CD44: variants seen among roughly 807,000 people sequenced by gnomAD.
CD44 encodes CD44 antigen.
CD44 carries 49 observed loss-of-function variants against 88.8 expected under a neutral mutation model. The ratio of observed to expected loss-of-function variants is 0.55; its 90% confidence interval spans 0.44 to 0.70. The LOEUF (loss-of-function observed/expected upper bound fraction) is 0.70. CD44 is among the 30% of genes least tolerant of loss of function. The pLI, the probability that CD44 is intolerant of heterozygous loss-of-function variation, is 0.00. For synonymous variants in CD44, 325 were observed against 312.3 expected (o/e 1.04, Z -0.43); for missense variants, 883 against 913.8 (o/e 0.97, Z 0.43).
Position 35,208,102 on chromosome 11 carries a change from C to T in CD44, c.1415-3C>T, listed in dbSNP as rs1323661959. 4 of 1,557,828 alleles carry T rather than the reference C, an allele frequency of 2.6e-6. No individual in the cohort carries two copies. Among genetic ancestry groups the T allele is most frequent in the Non-Finnish European group, 3.5e-6 (4 of 1,129,282 alleles). On this transcript the variant is annotated splice_region_variant and splice_polypyrimidine_tract_variant and intron_variant, in intron 11 of 17. Coordinates refer to ENST00000428726, the MANE Select transcript of CD44 (RefSeq NM_000610.4). ...GCAATAACACTAATATTGATTCCTT[C>T]AGATATGGACTCCAGTCATAGTATA...
At chr11:35,148,217 A>T (rs1281103134) in intron 1 of CD44, among the ~76,000 whole-genome samples, 1 of 152,192 alleles carries the variant, frequency 6.6e-6, no homozygotes, top group African/African-American at 2.4e-5. Context: ...ACTTTAAATG[A>T]GTAGCTACTA....
chr11:35,185,433 G>A (rs987336792), intron 3 of CD44, among the ~76,000 whole-genome samples: 4 of 152,158 alleles, frequency 2.6e-5, no homozygotes, highest in African/African-American at 9.7e-5. Flanking sequence ...CAGGTACTAG[G>A]AAGCAAACAA....
chr11:35,148,970 C>T (rs1016645614), intron 1 of CD44, among the ~76,000 whole-genome samples: 2 of 152,128 alleles, frequency 1.3e-5, no homozygotes, highest in Non-Finnish European at 2.9e-5. Context: ...AATTTCTGTT[C>T]TCTGCACTCT....
intron 15 of CD44, 22 bp from the exon 16 acceptor site, chr11:35,219,294 G>C: frequency 6.2e-7 from 1 of 1,600,212 alleles, no homozygotes; most frequent in Non-Finnish European, 8.6e-7. Flanking sequence ...CTTTGGTTGA[G>C]AGATGTTGTT....
Position 35,139,210 on chromosome 11 carries a change from C to A in CD44, c.-94C>A. The A allele has an allele frequency of 3.1e-6, 3 of 976,362 alleles. No individual in the cohort carries two copies. Among genetic ancestry groups the A allele is most frequent in the South Asian group, 1.4e-5 (1 of 70,164 alleles). The allele number at this position is 976,362 out of a possible 1,614,324, so 60.5% of individuals were successfully genotyped here. On this transcript the variant is annotated 5_prime_UTR_variant, in exon 1 of 18. Transcript: ENST00000428726. Reference sequence around the variant, plus strand: ...GACCCCAGCCTCTGCCAGGTTCGGTCCGCCATCCTCGTCCCGTCCTCCGCC... The same window carrying A: ...GACCCCAGCCTCTGCCAGGTTCGGTACGCCATCCTCGTCCCGTCCTCCGCC...
At position 35,152,047 on chromosome 11, in the gene CD44, A is replaced by C. The variant is rs186832551; in HGVS notation, c.67+12677A>C. On this transcript the variant is annotated intron_variant, in intron 1 of 17. Transcript: ENST00000428726. ...ACAGGAGGAATAACTAGCTAATGCG[A>C]GGAAAGCTTTTGAAGATGAAAGGGT... is the stretch of plus-strand genomic sequence containing the variant. Among the ~76,000 whole-genome samples, 3 of 152,352 alleles carry C rather than the reference A, an allele frequency of 2.0e-5. No individual in the cohort carries two copies. In the East Asian group the frequency reaches 5.8e-4, roughly 29 times the overall value.
chr11:35,150,123 T>C (rs929296008), intron 1 of CD44, among the ~76,000 whole-genome samples: 3 of 152,110 alleles, frequency 2.0e-5, no homozygotes, highest in African/African-American at 7.2e-5. Context: ...AAGAGAAAAA[T>C]TGTTCCCTTC....
chr11:35,215,159 C>T (rs1948725742), intron 15 of CD44, among the ~76,000 whole-genome samples: 1 of 152,204 alleles, frequency 6.6e-6, no homozygotes, highest in Admixed American at 6.5e-5. Flanking sequence ...AATACTGACA[C>T]TGCTGGGACA....
rs180710861 is a variant in CD44 at position 35,139,388 on chromosome 11, C to T, written c.67+18C>T. On this transcript the variant is annotated intron_variant, in intron 1 of 17. Transcript: ENST00000428726. ...GCAGATCGGTGAGTGCCCGCCGCAG[C>T]CTGGGCAGCAAGATGGGTGCGGGGT... 9.0e-6 allele frequency: 14 copies of T among 1,554,418 alleles called. No homozygotes were observed. The East Asian group carries it at 3.1e-4, about 35-fold the overall frequency.
At chr11:35,222,625 A>T (rs1949400256) in intron 17 of CD44, 1 of 675,854 alleles carries the variant, frequency 1.5e-6, no homozygotes, top group South Asian at 6.8e-5. Context: ...ATACACATAC[A>T]TTATATATAC....
chr11:35,147,689 C>T (rs1328960132), intron 1 of CD44, among the ~76,000 whole-genome samples: 1 of 152,044 alleles, frequency 6.6e-6, no homozygotes, highest in Non-Finnish European at 1.5e-5. Flanking sequence ...AGGATCCACA[C>T]ACCAATCGTG....
At chr11:35,145,714 A>C (rs910613587) in intron 1 of CD44, among the ~76,000 whole-genome samples, 1 of 152,036 alleles carries the variant, frequency 6.6e-6, no homozygotes, top group East Asian at 1.9e-4. Context: ...AGAGGCCCAC[A>C]CTCCTCCAAC....
At chr11:35,228,994 C>T in intron 17 of CD44, 135 bp from the exon 18 acceptor site, 1 of 727,672 alleles carries the variant, frequency 1.4e-6, no homozygotes, top group Non-Finnish European at 2.3e-6. Flanking sequence ...GAGAAAACCC[C>T]TAGCACAGTG....
chr11:35,164,403 C>T (rs752283112), intron 1 of CD44, among the ~76,000 whole-genome samples: 2 of 152,204 alleles, frequency 1.3e-5, no homozygotes, highest in Non-Finnish European at 2.9e-5. Flanking sequence ...AGACTACAAT[C>T]TGACACAAAT....
chr11:35,209,723 AC>A (rs1948219439), intron 12 of CD44, among the ~76,000 whole-genome samples: 1 of 152,154 alleles, frequency 6.6e-6, no homozygotes, highest in African/African-American at 2.4e-5. Context: ...CTCAGTCTTC[AC>A]CTTGCCACTT....
chr11:35,216,476 G>C (rs1364292970), intron 15 of CD44, among the ~76,000 whole-genome samples: 1 of 152,188 alleles, frequency 6.6e-6, no homozygotes, highest in East Asian at 1.9e-4. Context: ...TTACATGGTG[G>C]CTTCCACAAT....
chr11:35,221,065 G>A lies in CD44; in HGVS notation c.1946-589G>A, dbSNP rs548994439. Among the ~76,000 whole-genome samples the A allele has an allele frequency of 7.2e-4, 109 of 152,152 alleles. No individual in the cohort carries two copies. In the Middle Eastern group the frequency reaches 0.017, roughly 24 times the overall value. ...TGAGCCACCGCACCCGGCCTTTCCT[G>A]TCATTTTAAAATGTAAAATATATAC... On this transcript the variant is annotated intron_variant, in intron 16 of 17. Coordinates refer to ENST00000428726, the MANE Select transcript of CD44 (RefSeq NM_000610.4).
At chr11:35,186,923 A>T (rs568808166) in intron 4 of CD44, 23 bp downstream of exon 4, 1 of 1,470,964 alleles carries the variant, frequency 6.8e-7, no homozygotes, top group East Asian at 2.3e-5. Flanking sequence ...TCTAATCTTA[A>T]TTAAATTTTC....
chr11:35,219,092 T>A lies in CD44; in HGVS notation c.1874-224T>A, dbSNP rs1949079847. 8.5e-5 allele frequency: 46 copies of A among 540,580 alleles called. 1 individual carries two copies. In the South Asian group the frequency reaches 9.6e-4, roughly 11 times the overall value. 33.5% of individuals were successfully genotyped at this position (540,580 alleles called of 1,614,324 possible). A position where few individuals can be genotyped will look rare whatever the true frequency, so the allele number is the denominator to read the frequency against. The stretch of plus-strand genomic sequence containing the variant: ...ACTGTGCAACACTGCTGCTGAGAAT[T>A]CTCATGTTCCTTGACACAAAATAAC... On this transcript the variant is annotated intron_variant, in intron 15 of 17. Transcript: ENST00000428726.
Sources: allele counts gnomAD v4.1 joint callset (sites outside exome capture counted in the v4.1 genomes callset), GRCh38; gene constraint gnomAD v4.1.1; transcripts MANE v1.5; gene names NCBI Gene and HGNC (gene_info 2026-07-23, HGNC 2026-07-21).